The following LRGUK variants were observed in gnomAD, a reference collection of about 807,000 sequenced individuals.
LRGUK encodes the protein leucine rich repeats and guanylate kinase domain containing.
In LRGUK, 65 loss-of-function variants were observed where a neutral mutation model predicts 76.0. The ratio of observed to expected loss-of-function variants is 0.85; its 90% CI spans 0.70 to 1.05. The LOEUF (loss-of-function observed/expected upper bound fraction) is 1.05, where lower values mean the gene tolerates loss of function less well. LRGUK is among the 50% of genes least tolerant of loss of function. The pLI, the probability that LRGUK is intolerant of heterozygous loss-of-function variation, is 0.00. For synonymous variants in LRGUK, 268 were observed against 265.6 expected, an observed-to-expected ratio of 1.01 and a Z score of -0.09; for missense variants, 758 against 732.8, an observed-to-expected ratio of 1.03 and a Z score of -0.40.
At chr7:134,127,525 G>T in exon 1 of LRGUK, 2 of 1,614,220 alleles carry the variant, frequency 1.2e-6, no homozygotes, top group Non-Finnish European at 1.7e-6. Context: ...ACGAAAGGCA[G>T]CTCTAACATA....
intron 5 of LRGUK, among the ~76,000 whole-genome samples, chr7:134,153,879 A>C (rs1798339711): frequency 6.6e-6 from 1 of 152,216 alleles, no homozygotes; most frequent in Non-Finnish European, 1.5e-5. Flanking sequence ...TGGATTTCCT[A>C]CTATTTCTCA....
At chr7:134,215,243 C>T (rs761257818), downstream of LRGUK, among the ~76,000 whole-genome samples, 3 of 151,774 alleles carry the variant, frequency 2.0e-5, no homozygotes, top group Non-Finnish European at 4.4e-5. Flanking sequence ...TCATAAAACA[C>T]CTTTACTATG....
intron 7 of LRGUK, among the ~76,000 whole-genome samples, chr7:134,167,509 C>T (rs549800403): frequency 3.9e-5 from 6 of 152,112 alleles, no homozygotes; most frequent in African/African-American, 9.7e-5. Context: ...GAGTGCCGGC[C>T]GTTGAACAGG....
At chr7:134,237,629 C>T (rs1401221946) in intron 16 of LRGUK, among the ~76,000 whole-genome samples, 2 of 152,134 alleles carry the variant, frequency 1.3e-5, no homozygotes, top group Non-Finnish European at 2.9e-5. Context: ...ATTTCTTGTG[C>T]TTTCCCTGTC....
At chr7:134,128,246 T>C (rs929601382) in intron 1 of LRGUK, among the ~76,000 whole-genome samples, 1 of 152,188 alleles carries the variant, frequency 6.6e-6, no homozygotes, top group African/African-American at 2.4e-5. Context: ...AAGAGCCTTA[T>C]AATGTTCGAA....
intron 16 of LRGUK, among the ~76,000 whole-genome samples, chr7:134,234,486 T>C (rs1001772370): frequency 2.0e-5 from 3 of 152,214 alleles, no homozygotes; most frequent in African/African-American, 7.2e-5. Context: ...CCTTTCTTCA[T>C]TGTTGTTTCC....
At chr7:134,148,276 T>C (rs1389982181) in exon 5 of LRGUK, 1 of 1,607,364 alleles carries the variant, frequency 6.2e-7, no homozygotes, top group South Asian at 1.1e-5. Flanking sequence ...CTGAAATTTG[T>C]GATTTGTCAG....
At chr7:134,161,542 A>G (rs1798732170) in intron 6 of LRGUK, among the ~76,000 whole-genome samples, 1 of 152,130 alleles carries the variant, frequency 6.6e-6, no homozygotes, top group South Asian at 2.1e-4. Flanking sequence ...TTTAAAAGCC[A>G]TATAATTATA....
chr7:134,204,991 A>G (rs572591233), intron 15 of LRGUK, among the ~76,000 whole-genome samples: 1 of 152,340 alleles, frequency 6.6e-6, no homozygotes, highest in East Asian at 1.9e-4. Flanking sequence ...GCCCTTAAAG[A>G]TGGCAAGGAC....
At chr7:134,275,630 T>C in the LRGUK span, among the ~76,000 whole-genome samples, 1 of 152,206 alleles carries the variant, frequency 6.6e-6, no homozygotes, top group Admixed American at 6.5e-5. Flanking sequence ...TGTTGAAGTT[T>C]TTTCCTGGAT....
At chr7:134,146,253 A>G (rs1797965732) in intron 4 of LRGUK, among the ~76,000 whole-genome samples, 1 of 152,038 alleles carries the variant, frequency 6.6e-6, no homozygotes. Flanking sequence ...AGCCTGGGCG[A>G]CAGAGTGAGA....
intron 13 of LRGUK, 54 bp from the exon 14 acceptor site, chr7:134,199,166 G>T (rs1469880740): frequency 1.4e-6 from 2 of 1,475,276 alleles, no homozygotes; most frequent in South Asian, 1.2e-5. Context: ...GCTCCAAAAT[G>T]ATTTCTAAAT....
intron 18 of LRGUK, among the ~76,000 whole-genome samples, chr7:134,252,898 G>A (rs1802483278): frequency 6.6e-6 from 1 of 152,100 alleles, no homozygotes; most frequent in African/African-American, 2.4e-5. Flanking sequence ...GAACTCCTGG[G>A]GATATCTCAT....
chr7:134,235,872 A>T (rs900545577), intron 16 of LRGUK, among the ~76,000 whole-genome samples: 1 of 152,146 alleles, frequency 6.6e-6, no homozygotes, highest in Non-Finnish European at 1.5e-5. Flanking sequence ...GGGTTAGTTG[A>T]CATCAATTTC....
At chr7:134,214,169 T>C (rs1043403562), downstream of LRGUK, among the ~76,000 whole-genome samples, 34 of 151,996 alleles carry the variant, frequency 2.2e-4, no homozygotes, top group Admixed American at 6.6e-5. Flanking sequence ...AAATGGCCAA[T>C]AGATATGTCA....
chr7:134,258,220 G>C, intron 18 of LRGUK, 37 bp from the exon 19 acceptor site: 2 of 1,612,644 alleles, frequency 1.2e-6, no homozygotes, highest in Non-Finnish European at 1.7e-6. Context: ...CGAATAGTTT[G>C]GATCTCAAAA....
chr7:134,153,903 A>G (rs1798341772), intron 5 of LRGUK, among the ~76,000 whole-genome samples: 1 of 152,200 alleles, frequency 6.6e-6, no homozygotes, highest in South Asian at 2.1e-4. Context: ...ACTGTTTGCT[A>G]TACACTTGAA....
chr7:134,129,251 T>C, intron 1 of LRGUK, among the ~76,000 whole-genome samples: 1 of 101,910 alleles, frequency 9.8e-6, no homozygotes, highest in African/African-American at 3.8e-5. Context: ...CCTCCCTCCC[T>C]CTCTCTCTCC....
At chr7:134,223,014 G>T (rs977675550) in intron 16 of LRGUK, among the ~76,000 whole-genome samples, 21 of 152,174 alleles carry the variant, frequency 1.4e-4, no homozygotes, top group Admixed American at 1.4e-3. Flanking sequence ...TTAGGCTGGG[G>T]CATATACAGA....
Sources: gnomAD v4.1 joint callset for allele counts (sites outside exome capture counted in the v4.1 genomes callset) on GRCh38, gnomAD v4.1.1 for gene constraint, MANE v1.5 for transcripts, NCBI Gene and HGNC (gene_info 2026-07-23, HGNC 2026-07-21) for gene names.